Variants in ACAP1 observed in about 807,000 individuals in gnomAD.
ACAP1 encodes arf-GAP with coiled-coil, ANK repeat and PH domain-containing protein 1.
Under a neutral mutation model 98.8 loss-of-function variants are expected in ACAP1, and 45 were observed. The ratio of observed to expected loss-of-function variants is 0.46; its 90% CI spans 0.36 to 0.58. The LOEUF (loss-of-function observed/expected upper bound fraction) is 0.58, where lower values mean the gene tolerates loss of function less well. ACAP1 is among the 20% of genes least tolerant of loss of function. The pLI is 0.00. For synonymous variants in ACAP1, 362 were observed against 375.3 expected (o/e 0.96, Z 0.41); for missense variants, 735 against 971.4 (o/e 0.76, Z 3.24).
intron 3 of ACAP1, 31 bp downstream of exon 3, chr17:7,342,098 G>A (rs1302631804): frequency 3.1e-6 from 5 of 1,612,584 alleles, no homozygotes; most frequent in Non-Finnish European, 4.2e-6. Context: ...TGGGAGGGAA[G>A]GGGTCTGGGA....
chr17:7,344,049 T>C lies in ACAP1; in HGVS notation c.670T>C (p.Leu224=). ...SQYRKELGAQ[L]HQLVLNSARE... is the part of the protein sequence containing the mutation. The stretch of plus-strand genomic sequence containing the variant: ...TCTGAGATGCCCTTCCTGTGCCCAG[T>C]TGCACCAGCTGGTCTTGAATTCAGC... Residue 224 remains leucine (L), a splice_region_variant and synonymous_variant, in exon 9 of 22, where the codon TTG becomes CTG. Coordinates refer to ENST00000158762, the MANE Select transcript of ACAP1 (RefSeq NM_014716.4). This position sits in a 1 kb window ranked among gnomAD's most constrained non-coding sequence, Gnocchi z 4.9. The C allele has an allele frequency of 1.3e-6, 2 of 1,591,028 alleles. No individual in the cohort carries two copies. Among genetic ancestry groups the C allele is most frequent in the South Asian group, 2.3e-5 (2 of 88,074 alleles).
At position 7,346,461 on chromosome 17, in the gene ACAP1, G is replaced by A. The variant is rs756808757; in HGVS notation, c.977G>A (p.Arg326Gln). ...AAACTCTGCCCTGACTCAGAAAGGC[G>A]GTTCTGCTTTGAGGTGGTGTCCACC... ...TVKLCPDSERRFCFEVVSTSK... is the reference protein window; with the variant it reads ...TVKLCPDSERQFCFEVVSTSK... The change falls in exon 12 of 22, where the codon CGG becomes CAG. Residue 326 changes from arginine to glutamine, a missense_variant. Coordinates refer to ENST00000158762, the MANE Select transcript of ACAP1 (RefSeq NM_014716.4). The A allele has an allele frequency of 1.4e-5, 23 of 1,612,560 alleles. No homozygotes were observed. Among genetic ancestry groups the A allele is most frequent in the South Asian group, 6.6e-5 (6 of 90,860 alleles).
In ACAP1 at chr17:7,343,175, C is replaced by T. The variant is rs2073309012; in HGVS notation, c.345-204C>T. 5.7e-6 allele frequency: 3 copies of T among 528,346 alleles called. No individual in the cohort carries two copies. Among genetic ancestry groups the T allele is most frequent in the South Asian group, 3.2e-5 (1 of 31,356 alleles). 32.7% of individuals were successfully genotyped at this position (528,346 alleles called of 1,614,324 possible). On this transcript the variant is annotated intron_variant, in intron 5 of 21. Transcript: ENST00000158762. The surrounding 1 kb of genome is among the most constrained non-coding windows in gnomAD (Gnocchi z 4.9). The stretch of plus-strand genomic sequence containing the variant: ...TTTCTCGGAAACCAGCCCTGCTGCC[C>T]TCTTCCCATGGCCACAGGAGCCTCC...
At chr17:7,347,539 C>G in intron 14 of ACAP1, 2 of 511,588 alleles carry the variant, frequency 3.9e-6, no homozygotes, top group East Asian at 3.3e-5. Flanking sequence ...CCAGTGAAGA[C>G]TAGGCAGAGA....
At chr17:7,337,521 G>A (rs2143015536) in intron 2 of ACAP1, 152 bp downstream of exon 2, 1 of 683,132 alleles carries the variant, frequency 1.5e-6, no homozygotes, top group South Asian at 1.9e-5. Flanking sequence ...AAAAAAGGTG[G>A]TTCTGTACCG....
Position 7,347,087 on chromosome 17 carries a change from C to G in ACAP1, c.1188C>G (p.Ala396=). 6.2e-7 allele frequency: 1 copy of G among 1,612,432 alleles called. No individual in the cohort carries two copies. The highest frequency in any genetic ancestry group is 1.1e-5 in the South Asian group (1 of 90,938). The change falls in exon 14 of 22, where the codon GCC becomes GCG. Residue 396 remains alanine (A), a synonymous_variant. Coordinates refer to ENST00000158762, the MANE Select transcript of ACAP1 (RefSeq NM_014716.4). The stretch of plus-strand genomic sequence containing the variant: ...CCACCCTGGGCTCTGGTGGAATGGC[C>G]AGGGGAAGGGAGCCTGGGGGAGTCG... ...SAATLGSGGM[A]RGREPGGVGH... is the part of the protein sequence containing the mutation.
intron 10 of ACAP1, 179 bp from the exon 11 acceptor site, chr17:7,346,065 T>C (rs974242797): frequency 9.0e-6 from 6 of 663,018 alleles, no homozygotes; most frequent in Admixed American, 2.3e-5. Flanking sequence ...AAGATAGGAA[T>C]AGCATCCTTT....
At chr17:7,339,157 G>A in intron 2 of ACAP1, among the ~76,000 whole-genome samples, 1 of 151,934 alleles carries the variant, frequency 6.6e-6, no homozygotes, top group East Asian at 2.0e-4. Flanking sequence ...GGGTGTGGCG[G>A]CAGGCGCCTG....
Position 7,350,285 on chromosome 17 carries a change from C to T in ACAP1, c.2072+48C>T, listed in dbSNP as rs1355471820. The T allele has an allele frequency of 1.3e-6, 2 of 1,515,860 alleles. No individual in the cohort carries two copies. Among genetic ancestry groups the T allele is most frequent in the East Asian group, 4.5e-5 (2 of 44,154 alleles). The allele number at this position is 1,515,860 out of a possible 1,614,324, so 93.9% of individuals were successfully genotyped here. The stretch of plus-strand genomic sequence containing the variant: ...GGCTGGCGCTGGGACTCCCCCCACC[C>T]CCGCCCACCCACGTTCGGGCGGGCG... On this transcript the variant is annotated intron_variant, in intron 20 of 21. Coordinates refer to ENST00000158762, the MANE Select transcript of ACAP1 (RefSeq NM_014716.4). The surrounding 1 kb of genome is among the most constrained non-coding windows in gnomAD (Gnocchi z 4.6).
At chr17:7,337,248 C>T (rs1024903747) in intron 1 of ACAP1, 64 bp from the exon 2 acceptor site, 7 of 1,519,474 alleles carry the variant, frequency 4.6e-6, no homozygotes, top group South Asian at 3.4e-5. Flanking sequence ...GACTCCATCC[C>T]GCCTGATGAG....
intron 18 of ACAP1, chr17:7,349,698 T>G: frequency 2.2e-6 from 1 of 457,966 alleles, no homozygotes. Flanking sequence ...TAACAAGTTA[T>G]TAACCTCTCA....
At chr17:7,346,573 C>G (rs1185493510) in intron 12 of ACAP1, 82 bp downstream of exon 12, 1 of 1,304,064 alleles carries the variant, frequency 7.7e-7, no homozygotes, top group Non-Finnish European at 1.1e-6. Flanking sequence ...ACAATGGAGG[C>G]CCCCCATGCA....
intron 1 of ACAP1, 65 bp downstream of exon 1, chr17:7,336,852 C>G: frequency 6.4e-6 from 10 of 1,555,954 alleles, no homozygotes; most frequent in Non-Finnish European, 8.9e-6. Context: ...ACACACACAC[C>G]TTTCCCCAGG....
At chr17:7,341,883 G>A in intron 2 of ACAP1, 65 bp from the exon 3 acceptor site, 7 of 1,601,674 alleles carry the variant, frequency 4.4e-6, no homozygotes, top group Non-Finnish European at 6.0e-6. Context: ...AGTGGGGCAG[G>A]TGTGGGGGCA....
At chr17:7,337,481 G>A in intron 2 of ACAP1, 112 bp downstream of exon 2, 2 of 1,002,450 alleles carry the variant, frequency 2.0e-6, no homozygotes, top group Admixed American at 3.8e-5. Flanking sequence ...ATACTGTGTA[G>A]GGGAGATATT....
chr17:7,342,642 A>G (rs2073298231), intron 5 of ACAP1, 168 bp downstream of exon 5: 1 of 771,936 alleles, frequency 1.3e-6, no homozygotes, highest in Non-Finnish European at 2.1e-6. Flanking sequence ...GCTCATGCCT[A>G]TGATCCCGGC....
At chr17:7,347,408 C>A in intron 14 of ACAP1, 166 bp downstream of exon 14, 1 of 678,176 alleles carries the variant, frequency 1.5e-6, no homozygotes, top group Admixed American at 3.3e-5. Context: ...TCTGGGGTGC[C>A]AGTTGGACCC....
In ACAP1 at chr17:7,348,101, T is replaced by C. The variant is rs763006998; in HGVS notation, c.1414-26T>C. 1.9e-5 allele frequency: 30 copies of C among 1,613,326 alleles called. No individual in the cohort carries two copies. The Admixed American group carries it at 4.8e-4, about 26-fold the overall frequency. On this transcript the variant is annotated intron_variant, in intron 15 of 21. Transcript: ENST00000158762. ...GTCACTCACCCCCACCTTCCCTGTCTCTGCCTCTGCCTGGGCCTCCTGAAG... is the reference window on the plus strand; with the variant it reads ...GTCACTCACCCCCACCTTCCCTGTCCCTGCCTCTGCCTGGGCCTCCTGAAG...
At chr17:7,346,564 C>G in intron 12 of ACAP1, 73 bp downstream of exon 12, 4 of 1,343,116 alleles carry the variant, frequency 3.0e-6, no homozygotes, top group Non-Finnish European at 3.1e-6. Flanking sequence ...GGGCCCACCA[C>G]AATGGAGGCC....
Sources: allele counts gnomAD v4.1 joint callset (sites outside exome capture counted in the v4.1 genomes callset), GRCh38; gene constraint gnomAD v4.1.1; non-coding constraint Gnocchi (gnomAD v3.1); transcripts MANE v1.5; gene names NCBI Gene and HGNC (gene_info 2026-07-23, HGNC 2026-07-21).